S100Z: variants seen among roughly 807,000 people sequenced by gnomAD.
The protein encoded by S100Z is S100 calcium binding protein Z.
Under a neutral mutation model 8.5 loss-of-function variants are expected in S100Z, and 11 were observed. The observed-to-expected ratio is 1.30, with a 90% CI of 0.82 to 2.15. S100Z has a LOEUF of 2.15. Ranked by LOEUF, S100Z falls within the 30% of genes most tolerant of loss-of-function variation. The pLI is 0.00. For missense variants in S100Z, 126 were observed against 117.9 expected (o/e 1.07, Z -0.32); for synonymous variants, 34 against 43.8 (o/e 0.78, Z 0.89).
intron 1 of S100Z, among the ~76,000 whole-genome samples, chr5:76,851,303 T>G (rs1750723725): frequency 6.6e-6 from 1 of 152,164 alleles, no homozygotes. Flanking sequence ...TGGCAGGGCC[T>G]GTCCAGGAGG....
intron 4 of S100Z, among the ~76,000 whole-genome samples, chr5:76,907,001 T>TACATATAC (rs1744470527): frequency 1.2e-4 from 2 of 16,274 alleles, no homozygotes; most frequent in African/African-American, 5.0e-4. Flanking sequence ...TATATATATA[T>TACATATAC]ATATATATAT....
At chr5:76,895,249 G>T (rs1373138473) in intron 4 of S100Z, among the ~76,000 whole-genome samples, 2 of 152,114 alleles carry the variant, frequency 1.3e-5, no homozygotes, top group Non-Finnish European at 2.9e-5. Flanking sequence ...CTTGTTTACG[G>T]TACAAGTATA....
At chr5:76,928,988 C>A in the S100Z span, among the ~76,000 whole-genome samples, 1 of 152,242 alleles carries the variant, frequency 6.6e-6, no homozygotes, top group Admixed American at 6.5e-5. Flanking sequence ...AAGTGTTCCT[C>A]CACCCTAGGC....
chr5:76,919,933 G>C (rs1446330600), intron 4 of S100Z, among the ~76,000 whole-genome samples: 2 of 135,012 alleles, frequency 1.5e-5, no homozygotes, highest in African/African-American at 3.0e-5. Flanking sequence ...TTTTGAGACA[G>C]AGCCTCACTC....
At chr5:76,925,591 C>T (rs769264690), downstream of S100Z, among the ~76,000 whole-genome samples, 2 of 151,988 alleles carry the variant, frequency 1.3e-5, no homozygotes, top group Admixed American at 6.6e-5. Context: ...TACAGATTTT[C>T]GCTTGAGTAA....
chr5:76,902,942 T>G (rs1169593718), intron 4 of S100Z, among the ~76,000 whole-genome samples: 3 of 152,206 alleles, frequency 2.0e-5, no homozygotes, highest in African/African-American at 7.2e-5. Flanking sequence ...TCCCAGCACT[T>G]TGGGAGGCTG....
Position 76,921,152 on chromosome 5 carries a change from C to T in S100Z, c.*438C>T, listed in dbSNP as rs560624094. On this transcript the variant is annotated 3_prime_UTR_variant, in exon 5 of 5. Transcript: ENST00000317593. ...TCCATGTATCTATATATCTATGGTT[C>T]ATAAAAATGAGATTACACCAAAAAA... 6.6e-6 allele frequency: 1 copy of T among 152,164 alleles called. No homozygotes were observed. Among genetic ancestry groups the T allele is most frequent in the Non-Finnish European group, 1.5e-5 (1 of 68,002 alleles). 9.4% of individuals were successfully genotyped at this position (152,164 alleles called of 1,614,324 possible).
intron 4 of S100Z, among the ~76,000 whole-genome samples, chr5:76,912,842 A>AAG (rs1199855142): frequency 2.6e-5 from 4 of 151,412 alleles, no homozygotes; most frequent in South Asian, 2.1e-4. Context: ...AAGAGACAGA[A>AAG]AGAGAGAGAG....
intron 4 of S100Z, among the ~76,000 whole-genome samples, chr5:76,889,942 C>T (rs1743800230): frequency 1.3e-5 from 2 of 152,244 alleles, no homozygotes; most frequent in Non-Finnish European, 2.9e-5. Flanking sequence ...CCTAGGCTTG[C>T]TTGAGACCCT....
At chr5:76,938,169 C>G in the S100Z span, among the ~76,000 whole-genome samples, 1 of 152,104 alleles carries the variant, frequency 6.6e-6, no homozygotes, top group South Asian at 2.1e-4. Flanking sequence ...TGGGAATAGA[C>G]AGGGGACTCA....
chr5:76,931,647 C>T, the S100Z span, among the ~76,000 whole-genome samples: 5 of 152,106 alleles, frequency 3.3e-5, no homozygotes, highest in Non-Finnish European at 5.9e-5. Flanking sequence ...TGGAGAAGTG[C>T]TATAGAAAAG....
chr5:76,875,345 A>G lies in S100Z; in HGVS notation c.-15A>G, dbSNP rs754509836. 3.1e-6 allele frequency: 5 copies of G among 1,607,078 alleles called. No homozygotes were observed. Among genetic ancestry groups the G allele is most frequent in the Non-Finnish European group, 4.2e-6 (5 of 1,176,726 alleles). The stretch of plus-strand genomic sequence containing the variant: ...TTGGTGGCCTGCTTCTGGAGTGGTC[A>G]GTTCTGCTGCCGACATGCCCACCCA... On this transcript the variant is annotated 5_prime_UTR_variant, in exon 3 of 5. Coordinates refer to ENST00000317593, the MANE Select transcript of S100Z (RefSeq NM_130772.4).
chr5:76,933,269 C>G, the S100Z span, among the ~76,000 whole-genome samples: 2 of 152,148 alleles, frequency 1.3e-5, no homozygotes, highest in African/African-American at 4.8e-5. Flanking sequence ...TTCTCGCCTC[C>G]CTCAAGGGAT....
chr5:76,904,258 G>C (rs1425465700), intron 4 of S100Z, among the ~76,000 whole-genome samples: 3 of 151,998 alleles, frequency 2.0e-5, no homozygotes, highest in Admixed American at 6.6e-5. Flanking sequence ...GCAGTGGTGT[G>C]ATCTTAGCTC....
At chr5:76,918,705 GTGTC>G (rs1001075259) in intron 4 of S100Z, among the ~76,000 whole-genome samples, 1 of 152,146 alleles carries the variant, frequency 6.6e-6, no homozygotes, top group African/African-American at 2.4e-5. Flanking sequence ...TTATTACCCA[GTGTC>G]TGTAGTTTAC....
chr5:76,902,080 C>A (rs1313052427), intron 4 of S100Z, among the ~76,000 whole-genome samples: 1 of 152,044 alleles, frequency 6.6e-6, no homozygotes, highest in Non-Finnish European at 1.5e-5. Context: ...AGCTGGTATT[C>A]AAGACTCAAG....
At chr5:76,877,858 G>A (rs1320655846) in intron 4 of S100Z, 24 bp downstream of exon 4, 1 of 1,534,814 alleles carries the variant, frequency 6.5e-7, no homozygotes, top group Non-Finnish European at 9.0e-7. Flanking sequence ...TCATCTAAAG[G>A]CAGAAATATA....
At chr5:76,894,447 C>T (rs1193707486) in intron 4 of S100Z, among the ~76,000 whole-genome samples, 1 of 152,132 alleles carries the variant, frequency 6.6e-6, no homozygotes, top group African/African-American at 2.4e-5. Context: ...TAAATCTCTC[C>T]AAAACATGTT....
chr5:76,870,864 A>G (rs1209795455), intron 2 of S100Z, among the ~76,000 whole-genome samples: 1 of 152,132 alleles, frequency 6.6e-6, no homozygotes, highest in Non-Finnish European at 1.5e-5. Context: ...GCTCACATCT[A>G]TAATCCCAGC....
Sources: gnomAD v4.1 joint callset for allele counts (sites outside exome capture counted in the v4.1 genomes callset) on GRCh38, gnomAD v4.1.1 for gene constraint, MANE v1.5 for transcripts, NCBI Gene and HGNC (gene_info 2026-07-23, HGNC 2026-07-21) for gene names.